The following CHUK variants were observed in gnomAD, a reference collection of about 807,000 sequenced individuals.
CHUK encodes the protein inhibitor of nuclear factor kappa-B kinase subunit alpha.
CHUK carries 35 observed loss-of-function variants against 104.8 expected under a neutral mutation model. The observed-to-expected ratio is 0.33, with a 90% CI of 0.26 to 0.44. The LOEUF (loss-of-function observed/expected upper bound fraction) is 0.44, where lower values mean the gene tolerates loss of function less well. CHUK is among the 20% of genes least tolerant of loss of function. CHUK has a pLI of 1.00. For missense variants in CHUK, 663 were observed against 902.7 expected (o/e 0.73, Z 3.40); for synonymous variants, 276 against 291.9 (o/e 0.95, Z 0.56).
intron 9 of CHUK, among the ~76,000 whole-genome samples, chr10:100,210,009 A>G (rs1351130613): frequency 6.6e-6 from 1 of 152,046 alleles, no homozygotes; most frequent in African/African-American, 2.4e-5. Context: ...CAACAATAAA[A>G]TTTCAAAGTT....
At chr10:100,197,535 TTAATTC>T (rs1845362680) in intron 16 of CHUK, among the ~76,000 whole-genome samples, 1 of 152,214 alleles carries the variant, frequency 6.6e-6, no homozygotes, top group African/African-American at 2.4e-5. Context: ...TACTCGTGTC[TTAATTC>T]ATTTAAAAAT....
chr10:100,215,619 G>A (rs17879116), intron 9 of CHUK, among the ~76,000 whole-genome samples: 11,425 of 152,204 alleles, frequency 0.075, 580 homozygotes, highest in African/African-American at 0.14. Context: ...ATCTAAAGAT[G>A]TTCATAATAA....
rs775742385 is a variant in CHUK at position 100,222,184 on chromosome 10, A to T, written c.316-3T>A. On this transcript the variant is annotated splice_polypyrimidine_tract_variant and splice_region_variant and intron_variant, in intron 3 of 20. Coordinates refer to ENST00000370397, the MANE Select transcript of CHUK (RefSeq NM_001278.5). Reference sequence around the variant, plus strand: ...CAATTTTCTGGTTTGTTGAGCAGCTAAAAAAAGAAAGAAATCTAAAAATCT... The same window carrying T: ...CAATTTTCTGGTTTGTTGAGCAGCTTAAAAAAGAAAGAAATCTAAAAATCT... 6.3e-7 allele frequency: 1 copy of T among 1,578,416 alleles called. No individual in the cohort carries two copies. The highest frequency in any genetic ancestry group is 1.1e-5 in the South Asian group (1 of 90,256).
intron 9 of CHUK, among the ~76,000 whole-genome samples, chr10:100,210,970 C>T (rs538125251): frequency 1.6e-4 from 24 of 152,304 alleles, no homozygotes; most frequent in African/African-American, 5.3e-4. Context: ...AAAAGCCATA[C>T]GAAATTAATG....
chr10:100,194,355 T>G, intron 17 of CHUK, 70 bp downstream of exon 17: 1 of 1,253,590 alleles, frequency 8.0e-7, no homozygotes, highest in Non-Finnish European at 1.2e-6. Context: ...CAAAGAGGGC[T>G]TTTGTACTTT....
intron 16 of CHUK, among the ~76,000 whole-genome samples, chr10:100,197,083 T>C (rs796585041): frequency 6.6e-5 from 10 of 152,310 alleles, no homozygotes; most frequent in African/African-American, 2.4e-4. Flanking sequence ...CAAACCCTGA[T>C]GGTACAGCCT....
chr10:100,211,188 A>G (rs1845719352), intron 9 of CHUK, among the ~76,000 whole-genome samples: 1 of 152,176 alleles, frequency 6.6e-6, no homozygotes, highest in African/African-American at 2.4e-5. Context: ...TGAATGCCTC[A>G]CCTAGTTTCA....
intron 6 of CHUK, 42 bp from the exon 7 acceptor site, chr10:100,219,174 A>G: frequency 6.2e-7 from 1 of 1,606,486 alleles, no homozygotes; most frequent in South Asian, 1.1e-5. Context: ...ACTGTATGGG[A>G]AAAGCTACTT....
chr10:100,201,367 G>A (rs1845458096), intron 14 of CHUK, among the ~76,000 whole-genome samples: 1 of 152,050 alleles, frequency 6.6e-6, no homozygotes, highest in African/African-American at 2.4e-5. Flanking sequence ...TGTCCAAACC[G>A]GCATAATTTT....
At chr10:100,188,271 T>A (rs1845117138), downstream of CHUK, 1 of 152,620 alleles carries the variant, frequency 6.6e-6, no homozygotes, top group Admixed American at 6.5e-5. Context: ...TATTCTATGC[T>A]CTTAATTCCA....
At chr10:100,222,844 CA>C in intron 3 of CHUK, 21 bp downstream of exon 3, 1 of 1,091,436 alleles carries the variant, frequency 9.2e-7, no homozygotes, top group Non-Finnish European at 1.4e-6. Flanking sequence ...TACTCTCTCT[CA>C]TCTCAAAACA....
In CHUK at chr10:100,229,460, C is replaced by A; in HGVS notation, c.73G>T (p.Gly25Cys). Residue 25 changes from glycine to cysteine, a missense_variant, in exon 1 of 21, where the codon GGC becomes TGC. Coordinates refer to ENST00000370397, the MANE Select transcript of CHUK (RefSeq NM_001278.5). ...TGGTACAGACAGACGTTCCCGAAGC[C>A]GCCGGTGCCCAGCCGCTCCCGCATC... ...WEMRERLGTG[G>C]FGNVCLYQHR... 1 of 1,600,102 alleles carries A rather than the reference C, an allele frequency of 6.2e-7. No homozygotes were observed.
intron 9 of CHUK, among the ~76,000 whole-genome samples, chr10:100,217,674 C>A (rs1009339668): frequency 3.9e-5 from 6 of 152,322 alleles, no homozygotes; most frequent in Non-Finnish European, 5.9e-5. Flanking sequence ...GTCAGGAGTG[C>A]GAGACCAGCC....
rs3763710 is a variant in CHUK, at chr10:100,218,929, A to C, written c.689+79T>G. On this transcript the variant is annotated intron_variant, in intron 7 of 20. Coordinates refer to ENST00000370397, the MANE Select transcript of CHUK (RefSeq NM_001278.5). ...TGTATATTTCAAAGGCAATTAAACA[A>C]TTAAAGAAAGAAAAAAAAAGACAAA... 0.035 allele frequency: 54,433 copies of C among 1,563,498 alleles called. 2,135 individuals are homozygous for C. Among genetic ancestry groups the C allele is most frequent in the African/African-American group, 0.17 (12,349 of 73,558 alleles).
intron 1 of CHUK, 82 bp downstream of exon 1, chr10:100,229,346 C>G (rs950994812): frequency 1.9e-6 from 2 of 1,027,626 alleles, no homozygotes; most frequent in Non-Finnish European, 1.5e-6. Flanking sequence ...ATCTATCCCA[C>G]ACTGTCAGCC....
chr10:100,194,765 T>G, intron 16 of CHUK: 1 of 314,188 alleles, frequency 3.2e-6, no homozygotes, highest in East Asian at 7.1e-5. Context: ...GTAAGAGACC[T>G]TAGTTGCCTG....
intron 19 of CHUK, chr10:100,192,742 T>G (rs1455416340): frequency 4.1e-6 from 4 of 986,562 alleles, no homozygotes; most frequent in East Asian, 2.3e-4. Flanking sequence ...AGCAAAAGAG[T>G]AGGAATTAAT....
At chr10:100,219,465 G>T in intron 5 of CHUK, 106 bp from the exon 6 acceptor site, 1 of 713,156 alleles carries the variant, frequency 1.4e-6, no homozygotes, top group Non-Finnish European at 2.5e-6. Flanking sequence ...TGAGGACCTT[G>T]GGCTCTGTAA....
chr10:100,199,768 C>T (rs575727734), intron 16 of CHUK, among the ~76,000 whole-genome samples: 13 of 152,220 alleles, frequency 8.5e-5, no homozygotes, highest in Middle Eastern at 3.4e-3. Flanking sequence ...ACCTCACGTT[C>T]TCTGTTACTT....
Sources: gnomAD v4.1 joint callset for allele counts (sites outside exome capture counted in the v4.1 genomes callset) on GRCh38, gnomAD v4.1.1 for gene constraint, MANE v1.5 for transcripts, NCBI Gene and HGNC (gene_info 2026-07-23, HGNC 2026-07-21) for gene names.